The following DOCK3 variants were observed in gnomAD, a reference collection of about 807,000 sequenced individuals.
The protein encoded by DOCK3 is dedicator of cytokinesis 3.
A neutral mutation model predicts 265.6 loss-of-function variants in DOCK3; 60 were observed. The ratio of observed to expected loss-of-function variants is 0.23; its 90% confidence interval spans 0.18 to 0.28. The LOEUF is 0.28. Ranked by LOEUF, DOCK3 falls within the 10% of genes least tolerant of loss-of-function variation. The pLI is 1.00. For missense variants in DOCK3, 1,981 were observed against 2,594.3 expected, an observed-to-expected ratio of 0.76 and a Z score of 5.14; for synonymous variants, 881 against 938.0, an observed-to-expected ratio of 0.94 and a Z score of 1.11.
At chr3:50,784,693 T>C (rs987555765) in intron 2 of DOCK3, among the ~76,000 whole-genome samples, 2 of 152,238 alleles carry the variant, frequency 1.3e-5, no homozygotes, top group African/African-American at 2.4e-5. Flanking sequence ...CTTTCAGCAG[T>C]GTTTTATAGT....
chr3:51,340,060 C>T (rs1039948486), intron 37 of DOCK3, among the ~76,000 whole-genome samples: 13 of 152,200 alleles, frequency 8.5e-5, no homozygotes, highest in African/African-American at 2.9e-4. Context: ...CTACCATTCT[C>T]TGCATCCACT....
intron 21 of DOCK3, among the ~76,000 whole-genome samples, chr3:51,246,305 T>C (rs151249396): frequency 1.1e-4 from 17 of 149,426 alleles, no homozygotes; most frequent in African/African-American, 3.7e-4. Flanking sequence ...CAGTCATGGC[T>C]CACTGCAGCC....
At chr3:51,280,310 C>T (rs560267246) in intron 27 of DOCK3, 106 bp downstream of exon 27, 12 of 1,058,948 alleles carry the variant, frequency 1.1e-5, no homozygotes, top group Middle Eastern at 4.3e-4. Context: ...AGCATTGCCA[C>T]GGGTGTAGGA....
At chr3:51,267,940 A>C (rs571650539) in intron 23 of DOCK3, among the ~76,000 whole-genome samples, 1 of 152,092 alleles carries the variant, frequency 6.6e-6, no homozygotes, top group Admixed American at 6.6e-5. Context: ...GAGGTAAACA[A>C]TGAGAACACA....
chr3:51,086,144 C>T (rs1246543966), intron 7 of DOCK3, among the ~76,000 whole-genome samples: 1 of 152,228 alleles, frequency 6.6e-6, no homozygotes, highest in African/African-American at 2.4e-5. Context: ...TATAGATTAA[C>T]TAAAAGTATT....
intron 3 of DOCK3, among the ~76,000 whole-genome samples, chr3:50,885,992 A>G (rs1488341087): frequency 6.6e-6 from 1 of 151,914 alleles, no homozygotes; most frequent in Non-Finnish European, 1.5e-5. Context: ...AGAGAGAGCA[A>G]GTTTTTGTTG....
chr3:51,097,355 C>T (rs1305211980), intron 9 of DOCK3, among the ~76,000 whole-genome samples: 1 of 152,146 alleles, frequency 6.6e-6, no homozygotes, highest in African/African-American at 2.4e-5. Context: ...CTTTGAGGAG[C>T]GCAGTGGGCT....
intron 49 of DOCK3, among the ~76,000 whole-genome samples, chr3:51,370,857 G>A (rs1327280337): frequency 1.3e-5 from 2 of 152,212 alleles, no homozygotes; most frequent in Admixed American, 6.5e-5. Flanking sequence ...GCTCAGGTGG[G>A]CTAGATATTC....
At chr3:51,358,109 G>A in intron 46 of DOCK3, 32 bp downstream of exon 46, 1 of 1,601,392 alleles carries the variant, frequency 6.2e-7, no homozygotes, top group Non-Finnish European at 8.5e-7. Context: ...CCCTGCTGCA[G>A]TAGAACCAGG....
At chr3:51,186,292 G>T (rs1374921936) in intron 12 of DOCK3, among the ~76,000 whole-genome samples, 4 of 152,180 alleles carry the variant, frequency 2.6e-5, no homozygotes, top group Admixed American at 6.5e-5. Context: ...CTGTCATAGA[G>T]ATTTGTGGAA....
At chr3:50,935,904 A>T (rs901769950) in intron 5 of DOCK3, among the ~76,000 whole-genome samples, 7 of 152,222 alleles carry the variant, frequency 4.6e-5, no homozygotes, top group Admixed American at 3.9e-4. Context: ...TAGTATAATA[A>T]TGTTCAGGAT....
At chr3:50,879,269 C>T (rs2047894744) in intron 3 of DOCK3, among the ~76,000 whole-genome samples, 2 of 152,160 alleles carry the variant, frequency 1.3e-5, no homozygotes, top group Admixed American at 1.3e-4. Flanking sequence ...ATCAAATTCA[C>T]ACCTAACAAT....
intron 1 of DOCK3, among the ~76,000 whole-genome samples, chr3:50,740,273 T>C (rs2038930417): frequency 6.6e-6 from 1 of 152,194 alleles, no homozygotes; most frequent in Non-Finnish European, 1.5e-5. Flanking sequence ...TCATTGTTGA[T>C]AGATATATGG....
chr3:50,991,681 T>G (rs1331229864), intron 5 of DOCK3, among the ~76,000 whole-genome samples: 1 of 152,108 alleles, frequency 6.6e-6, no homozygotes, highest in African/African-American at 2.4e-5. Context: ...GACAGATCAT[T>G]GAGGCAGAAA....
chr3:51,110,549 T>C (rs1426387320), intron 9 of DOCK3, among the ~76,000 whole-genome samples: 1 of 152,174 alleles, frequency 6.6e-6, no homozygotes, highest in East Asian at 1.9e-4. Flanking sequence ...GATGAATAAA[T>C]GTGATTAAAC....
chr3:50,723,592 G>A (rs1309281316), intron 1 of DOCK3, among the ~76,000 whole-genome samples: 1 of 152,124 alleles, frequency 6.6e-6, no homozygotes, highest in African/African-American at 2.4e-5. Flanking sequence ...AACGAGCAAT[G>A]GGGAAAGGAT....
At chr3:51,263,089 G>C (rs2079950256) in intron 23 of DOCK3, among the ~76,000 whole-genome samples, 1 of 152,250 alleles carries the variant, frequency 6.6e-6, no homozygotes, top group East Asian at 1.9e-4. Context: ...GATACTCCTC[G>C]AGAAGAGCAG....
At chr3:51,136,695 A>C (rs1374260267) in intron 9 of DOCK3, among the ~76,000 whole-genome samples, 1 of 152,166 alleles carries the variant, frequency 6.6e-6, no homozygotes, top group Non-Finnish European at 1.5e-5. Flanking sequence ...GAAGTTAGTG[A>C]ATGTTTGTTG....
intron 3 of DOCK3, among the ~76,000 whole-genome samples, chr3:50,868,078 CTT>C (rs71633039): frequency 7.1e-5 from 10 of 141,148 alleles, no homozygotes; most frequent in Non-Finnish European, 9.3e-5. Context: ...TGGGAGACTT[CTT>C]TTTTTTTTTT....
Sources: gnomAD v4.1 joint callset for allele counts (sites outside exome capture counted in the v4.1 genomes callset) on GRCh38, gnomAD v4.1.1 for gene constraint, MANE v1.5 for transcripts, NCBI Gene and HGNC (gene_info 2026-07-23, HGNC 2026-07-21) for gene names.